The following TBC1D22A variants were observed in gnomAD, a reference collection of about 807,000 sequenced individuals.
TBC1D22A encodes the protein putative GTPase activator.
Under a neutral mutation model 60.2 loss-of-function variants are expected in TBC1D22A, and 38 were observed. The observed-to-expected ratio is 0.63, with a 90% CI of 0.49 to 0.83. The LOEUF is 0.83. Ranked by LOEUF, TBC1D22A falls within the 40% of genes least tolerant of loss-of-function variation. TBC1D22A has a pLI of 0.00. For missense variants in TBC1D22A, 628 were observed against 701.0 expected (o/e 0.90, Z 1.18); for synonymous variants, 302 against 281.7 (o/e 1.07, Z -0.72).
chr22:46,822,882 G>C (rs566193825), intron 4 of TBC1D22A, among the ~76,000 whole-genome samples: 2 of 152,246 alleles, frequency 1.3e-5, no homozygotes, highest in East Asian at 3.9e-4. Context: ...GGGACCCTGG[G>C]CTAAGATCTA....
chr22:47,119,145 C>CAAAAT lies in TBC1D22A; in HGVS notation c.1425+7557_1425+7561dup, dbSNP rs547132987. 2.6e-5 allele frequency among the ~76,000 whole-genome samples: 4 copies of CAAAAT among 152,242 alleles called. No homozygotes were observed. The East Asian group carries it at 7.7e-4, about 29-fold the overall frequency. ...GCCTTGCGACAGCAAGACTCCATCT[C>CAAAAT]AAAATAAAATAAAATAAAACTTGAA... is the stretch of plus-strand genomic sequence containing the variant. On this transcript the variant is annotated intron_variant, in intron 12 of 12. Transcript: ENST00000337137.
intron 8 of TBC1D22A, among the ~76,000 whole-genome samples, chr22:46,958,171 A>G (rs1320704283): frequency 6.6e-6 from 1 of 152,000 alleles, no homozygotes; most frequent in African/African-American, 2.4e-5. Context: ...TTTCTTTTAT[A>G]TTTCTACATG....
Position 47,009,108 on chromosome 22 carries a change from T to C in TBC1D22A, c.1201+11399T>C, listed in dbSNP as rs2061673161. On this transcript the variant is annotated intron_variant, in intron 10 of 12. Coordinates refer to ENST00000337137, the MANE Select transcript of TBC1D22A (RefSeq NM_014346.5). The surrounding 1 kb of genome is among the most constrained non-coding windows in gnomAD (Gnocchi z 5.8). ...TCTGGCTGTGTTGTATACTGGAGGA[T>C]TGGCTTTGTGAGGAATGTCCCCACT... Among the ~76,000 whole-genome samples, 1 of 152,202 alleles carries C rather than the reference T, an allele frequency of 6.6e-6. No individual in the cohort carries two copies.
At chr22:47,103,171 T>G (rs934439365) in intron 11 of TBC1D22A, among the ~76,000 whole-genome samples, 8 of 151,714 alleles carry the variant, frequency 5.3e-5, no homozygotes, top group East Asian at 3.9e-4. Context: ...GATTTGGGGG[T>G]GTGTGTGTAA....
chr22:46,922,155 T>C (rs1321184052), intron 8 of TBC1D22A, among the ~76,000 whole-genome samples: 5 of 152,234 alleles, frequency 3.3e-5, no homozygotes, highest in African/African-American at 4.8e-5. Flanking sequence ...CTTTCTCCAT[T>C]GCTTGTTTTT....
chr22:47,054,176 G>T (rs1359447370), intron 11 of TBC1D22A, among the ~76,000 whole-genome samples: 1 of 152,220 alleles, frequency 6.6e-6, no homozygotes, highest in South Asian at 2.1e-4. Flanking sequence ...GAGGAAGGAC[G>T]TGCAGGGACC....
At chr22:46,830,784 G>T (rs958618112) in intron 4 of TBC1D22A, among the ~76,000 whole-genome samples, 1 of 152,234 alleles carries the variant, frequency 6.6e-6, no homozygotes, top group South Asian at 2.1e-4. Context: ...GTTCATTCTG[G>T]TGCAAGTGGC....
At chr22:46,931,813 G>A (rs2071367196) in intron 8 of TBC1D22A, among the ~76,000 whole-genome samples, 2 of 152,160 alleles carry the variant, frequency 1.3e-5, no homozygotes, top group Admixed American at 6.5e-5. Flanking sequence ...TTCATTTTTC[G>A]TGTAGTTTTC....
intron 8 of TBC1D22A, among the ~76,000 whole-genome samples, chr22:46,954,675 CG>C (rs11284105): frequency 0.18 from 28,050 of 152,050 alleles, 4,936 homozygotes; most frequent in African/African-American, 0.47. Flanking sequence ...TGAGTACCAG[CG>C]TGTGTTCAGC....
At chr22:46,886,169 G>T (rs1488637025) in intron 5 of TBC1D22A, among the ~76,000 whole-genome samples, 1 of 152,134 alleles carries the variant, frequency 6.6e-6, no homozygotes, top group African/African-American at 2.4e-5. Context: ...AAAGTGCTGG[G>T]ATTACAGGTG....
intron 4 of TBC1D22A, among the ~76,000 whole-genome samples, chr22:46,805,068 T>G (rs917583978): frequency 1.2e-4 from 18 of 152,226 alleles, no homozygotes; most frequent in African/African-American, 4.1e-4. Context: ...ACTTGTAACT[T>G]AGCTCCTATT....
intron 1 of TBC1D22A, among the ~76,000 whole-genome samples, chr22:46,764,741 A>G (rs1413944544): frequency 1.3e-5 from 2 of 152,216 alleles, no homozygotes; most frequent in East Asian, 1.9e-4. Flanking sequence ...AAATGGCCCT[A>G]TGGAGACAGA....
At position 46,862,970 on chromosome 22, in the gene TBC1D22A, G is replaced by A. The variant is rs182451439; in HGVS notation, c.638-15683G>A. Among the ~76,000 whole-genome samples, 27 of 152,282 alleles carry A rather than the reference G, an allele frequency of 1.8e-4. 1 individual carries two copies. The East Asian group carries it at 1.9e-3, about 11-fold the overall frequency. On this transcript the variant is annotated intron_variant, in intron 4 of 12. Transcript: ENST00000337137. ...CCTGTAGGTAGAGTGTCTCTGGTCC[G>A]TGGGCTTCCGAAGCATCTTGTCCAG...
At position 47,151,393 on chromosome 22, in the gene TBC1D22A, A is replaced by G. The variant is rs372233588; in HGVS notation, c.1426-22105A>G. 3.1e-4 allele frequency among the ~76,000 whole-genome samples: 47 copies of G among 152,370 alleles called. 2 individuals are homozygous for G. In the East Asian group the frequency reaches 4.1e-3, roughly 13 times the overall value. On this transcript the variant is annotated intron_variant, in intron 12 of 12. Transcript: ENST00000337137. ...CCCAGGCAGCAGAAAAATCAATGTG[A>G]GAACGCAGACTTGAACAACTCGGGA...
chr22:46,941,166 TGG>T, intron 8 of TBC1D22A, among the ~76,000 whole-genome samples: 1 of 118,066 alleles, frequency 8.5e-6, no homozygotes, highest in African/African-American at 3.5e-5. Flanking sequence ...TTGAACAGCA[TGG>T]GGACTGGGAC....
chr22:47,137,796 G>T (rs547561191), intron 12 of TBC1D22A, among the ~76,000 whole-genome samples: 1 of 152,336 alleles, frequency 6.6e-6, no homozygotes, highest in East Asian at 1.9e-4. Flanking sequence ...GGAGTGTGGG[G>T]TCCCTGCCAG....
At chr22:47,133,481 G>A (rs1392498618) in intron 12 of TBC1D22A, among the ~76,000 whole-genome samples, 1 of 152,194 alleles carries the variant, frequency 6.6e-6, no homozygotes, top group Non-Finnish European at 1.5e-5. Flanking sequence ...CCGCCTGTGG[G>A]GGGTGCTGGT....
At chr22:47,058,768 G>T (rs86559) in intron 11 of TBC1D22A, among the ~76,000 whole-genome samples, 1 of 151,766 alleles carries the variant, frequency 6.6e-6, no homozygotes. Context: ...AGGTCCCAGC[G>T]CTCAGAACAG....
chr22:46,958,158 C>A (rs767056037), intron 8 of TBC1D22A, among the ~76,000 whole-genome samples: 7 of 152,082 alleles, frequency 4.6e-5, no homozygotes, highest in African/African-American at 1.7e-4. Context: ...CAAGGATTGA[C>A]CGTTTCTTTT....
Sources: allele counts gnomAD v4.1 joint callset (sites outside exome capture counted in the v4.1 genomes callset), GRCh38; gene constraint gnomAD v4.1.1; non-coding constraint Gnocchi (gnomAD v3.1); transcripts MANE v1.5; gene names NCBI Gene and HGNC (gene_info 2026-07-23, HGNC 2026-07-21).